Variants in NAA38 observed in about 807,000 individuals in gnomAD.
NAA38 encodes the protein LSM domain containing 1.
A neutral mutation model predicts 12.6 loss-of-function variants in NAA38; 15 were observed. That is an observed-to-expected ratio of 1.19 (90% confidence interval 0.79 to 1.83). The LOEUF (loss-of-function observed/expected upper bound fraction) is 1.83, where lower values mean the gene tolerates loss of function less well. Among genes scored for constraint, NAA38 ranks in the 40% most tolerant of loss-of-function variants. The probability of loss-of-function intolerance (pLI) is 0.00; values close to 1 mark genes in which losing one functional copy is unlikely to be tolerated. For synonymous variants in NAA38, 88 were observed against 69.9 expected (o/e 1.26, Z -1.29); for missense variants, 183 against 171.7 (o/e 1.07, Z -0.37).
At chr17:7,878,526 A>T (rs1967214677) in intron 2 of NAA38, among the ~76,000 whole-genome samples, 1 of 152,152 alleles carries the variant, frequency 6.6e-6, no homozygotes, top group African/African-American at 2.4e-5. Flanking sequence ...GCTCGAGACC[A>T]GCCTGGCCAA....
upstream of NAA38, chr17:7,857,652 A>C: frequency 7.4e-7 from 1 of 1,346,496 alleles, no homozygotes; most frequent in Non-Finnish European, 9.5e-7. Flanking sequence ...GGCTCACTGA[A>C]GCGTACTACG....
At chr17:7,871,282 G>C (rs944274357) in intron 2 of NAA38, among the ~76,000 whole-genome samples, 1 of 152,136 alleles carries the variant, frequency 6.6e-6, no homozygotes, top group Non-Finnish European at 1.5e-5. Context: ...TTTCTCATCT[G>C]TAAAATGAGT....
chr17:7,859,653 G>A (rs376697360), upstream of NAA38: 8 of 1,597,694 alleles, frequency 5.0e-6, no homozygotes, highest in South Asian at 2.2e-5. Context: ...GACGTATTTC[G>A]AGTTTGGCTT....
At chr17:7,858,187 G>A (rs750465068), upstream of NAA38, 12 of 1,613,934 alleles carry the variant, frequency 7.4e-6, no homozygotes, top group Middle Eastern at 1.7e-4. Flanking sequence ...TTTCAGCGTC[G>A]CTATTTCACG....
At chr17:7,880,661 C>G (rs1023024228) in intron 2 of NAA38, among the ~76,000 whole-genome samples, 42 of 152,198 alleles carry the variant, frequency 2.8e-4, no homozygotes, top group African/African-American at 9.7e-4. Context: ...TCTACCTACT[C>G]TGTGTGCATG....
In NAA38 at chr17:7,877,840, G is replaced by A. The variant is rs181112156; in HGVS notation, c.-66+5395C>T. On this transcript the variant is annotated intron_variant, in intron 2 of 4. Transcript: ENST00000576861. ...ATATTAGTGTCCTTTAAAACTCTAGGACATCTCATTGACTTAAAACTCATG... is the reference window on the plus strand; with the variant it reads ...ATATTAGTGTCCTTTAAAACTCTAGAACATCTCATTGACTTAAAACTCATG... Among the ~76,000 whole-genome samples, 5 of 152,144 alleles carry A rather than the reference G, an allele frequency of 3.3e-5. No homozygotes were observed. The East Asian group carries it at 9.6e-4, about 29-fold the overall frequency.
chr17:7,858,925 T>G, upstream of NAA38: 1 of 1,112,516 alleles, frequency 9.0e-7, no homozygotes, highest in Non-Finnish European at 1.2e-6. Context: ...CCGGTGGGAG[T>G]GTATTTTCTG....
At chr17:7,865,846 A>T (rs974064052) in intron 3 of NAA38, 8 of 152,156 alleles carry the variant, frequency 5.3e-5, no homozygotes, top group Non-Finnish European at 7.4e-5. Flanking sequence ...GAGACAGGGC[A>T]TTGATACTTG....
upstream of NAA38, chr17:7,862,308 C>A (rs1333307422): frequency 2.0e-5 from 3 of 152,130 alleles, no homozygotes. Context: ...TCCGTCTATA[C>A]CTAGTGGGGG....
Position 7,857,180 on chromosome 17 carries a change from C to T in NAA38, c.100G>A (p.Glu34Lys). Reference protein sequence around the residue: ...SSAGDSDGEREDSAAERARQQ... With the variant: ...SSAGDSDGERKDSAAERARQQ... ...CGGGCGCGCTCAGCCGCCGAGTCCT[C>T]GCGCTCTCCGTCCGAATCCTGCGCG... The change falls in exon 2 of 3, where the codon GAG becomes AAG. Residue 34 changes from glutamate to lysine, a missense_variant. Physicochemically the swap from Glu to Lys is moderately conservative, Grantham distance 56. Transcript: ENST00000575771. 1.9e-6 allele frequency: 3 copies of T among 1,613,116 alleles called. No homozygotes were observed. Among genetic ancestry groups the T allele is most frequent in the Non-Finnish European group, 2.5e-6 (3 of 1,180,020 alleles).
intron 2 of NAA38, among the ~76,000 whole-genome samples, chr17:7,867,378 G>T (rs909566318): frequency 6.6e-6 from 1 of 151,924 alleles, no homozygotes; most frequent in African/African-American, 2.4e-5. Context: ...TGCTCTTGTT[G>T]CCCAGGCTGG....
chr17:7,878,547 C>A (rs919866419), intron 2 of NAA38, among the ~76,000 whole-genome samples: 8 of 152,012 alleles, frequency 5.3e-5, no homozygotes, highest in Middle Eastern at 3.2e-3. Context: ...CATGGTAAAA[C>A]CCCGCCTCTG....
chr17:7,879,933 G>T (rs1967241806), intron 2 of NAA38, among the ~76,000 whole-genome samples: 1 of 152,028 alleles, frequency 6.6e-6, no homozygotes, highest in Non-Finnish European at 1.5e-5. Context: ...AAATAGGCTG[G>T]CAGGGAGGGA....
At chr17:7,871,250 T>C (rs1041898041) in intron 2 of NAA38, among the ~76,000 whole-genome samples, 1 of 152,198 alleles carries the variant, frequency 6.6e-6, no homozygotes, top group African/African-American at 2.4e-5. Flanking sequence ...TTGAGCAAGA[T>C]ATTTAACCTC....
intron 2 of NAA38, among the ~76,000 whole-genome samples, chr17:7,870,128 C>T (rs1369563554): frequency 6.6e-6 from 1 of 152,136 alleles, no homozygotes; most frequent in East Asian, 1.9e-4. Context: ...GGCATGGTGG[C>T]CCCTGTGCTT....
chr17:7,865,724 G>A (rs1966957013), intron 3 of NAA38: 1 of 152,154 alleles, frequency 6.6e-6, no homozygotes, highest in Non-Finnish European at 1.5e-5. Flanking sequence ...ACATAATTGT[G>A]GGCATATTTA....
intron 2 of NAA38, among the ~76,000 whole-genome samples, chr17:7,871,927 T>G (rs1264221620): frequency 1.3e-5 from 2 of 152,222 alleles, no homozygotes; most frequent in African/African-American, 4.8e-5. Context: ...AGTGCTGGGA[T>G]GGCAGGCGTG....
chr17:7,870,451 A>G (rs1967066291), intron 2 of NAA38, among the ~76,000 whole-genome samples: 1 of 152,116 alleles, frequency 6.6e-6, no homozygotes, highest in Non-Finnish European at 1.5e-5. Context: ...CAGACCAGAT[A>G]AAATCTTTTA....
intron 2 of NAA38, among the ~76,000 whole-genome samples, chr17:7,874,862 G>A (rs1967145964): frequency 7.9e-6 from 1 of 127,232 alleles, no homozygotes; most frequent in Non-Finnish European, 1.6e-5. Flanking sequence ...TCCAGCCTCG[G>A]CAATAAGAGC....
Sources: gnomAD v4.1 joint callset for allele counts (sites outside exome capture counted in the v4.1 genomes callset) on GRCh38, gnomAD v4.1.1 for gene constraint, MANE v1.5 for transcripts, NCBI Gene and HGNC (gene_info 2026-07-23, HGNC 2026-07-21) for gene names.